CRPPA: variants seen among roughly 807,000 people sequenced by gnomAD.
CRPPA encodes D-ribitol-5-phosphate cytidylyltransferase.
Under a neutral mutation model 52.0 loss-of-function variants are expected in CRPPA, and 43 were observed. That is an observed-to-expected ratio of 0.83 (90% CI 0.65 to 1.07). The LOEUF (loss-of-function observed/expected upper bound fraction) is 1.07, where lower values mean the gene tolerates loss of function less well. Among genes scored for constraint, CRPPA ranks in the 50% least tolerant of loss-of-function variants. The probability of loss-of-function intolerance (pLI) is 0.00; values close to 1 mark genes in which losing one functional copy is unlikely to be tolerated. For synonymous variants in CRPPA, 250 were observed against 203.5 expected (o/e 1.23, Z -1.94); for missense variants, 629 against 551.7 (o/e 1.14, Z -1.40).
intron 9 of CRPPA, among the ~76,000 whole-genome samples, chr7:16,118,481 C>G (rs10487911): frequency 0.33 from 49,913 of 152,060 alleles, 9,608 homozygotes; most frequent in South Asian, 0.55. Flanking sequence ...TGAACAGTCA[C>G]TTAGCATCTC....
At chr7:16,239,150 A>AAAAAAAAAAAAAAAAAAAC (rs1783033954) in intron 8 of CRPPA, among the ~76,000 whole-genome samples, 1 of 151,008 alleles carries the variant, frequency 6.6e-6, no homozygotes, top group Non-Finnish European at 1.5e-5. Context: ...AAAAAAAAAA[A>AAAAAAAAAAAAAAAAAAAC]AAAAAAAGCC....
intron 6 of CRPPA, among the ~76,000 whole-genome samples, chr7:16,274,108 G>A (rs369675254): frequency 3.9e-5 from 6 of 152,238 alleles, no homozygotes; most frequent in African/African-American, 9.6e-5. Context: ...GGAGTGCAGC[G>A]GCGCGATCTC....
chr7:16,393,642 T>C (rs1454180778), intron 2 of CRPPA, among the ~76,000 whole-genome samples: 1 of 152,124 alleles, frequency 6.6e-6, no homozygotes, highest in Non-Finnish European at 1.5e-5. Flanking sequence ...GTGAATATCT[T>C]CATGACTTCA....
At chr7:16,171,594 G>A (rs12112650) in intron 9 of CRPPA, among the ~76,000 whole-genome samples, 53 of 152,124 alleles carry the variant, frequency 3.5e-4, no homozygotes, top group East Asian at 2.3e-3. Context: ...GTGAAACCCC[G>A]TCTCTACTAA....
intron 9 of CRPPA, among the ~76,000 whole-genome samples, chr7:16,129,133 C>T (rs1285057067): frequency 6.6e-6 from 1 of 152,138 alleles, no homozygotes; most frequent in Non-Finnish European, 1.5e-5. Context: ...CTTGCCACAT[C>T]ACACATCATG....
chr7:16,389,928 A>AAAAATATATAT, intron 2 of CRPPA, among the ~76,000 whole-genome samples: 3 of 29,760 alleles, frequency 1.0e-4, no homozygotes, highest in African/African-American at 3.5e-4. Flanking sequence ...AAAAAAAAAA[A>AAAAATATATAT]ATATATATAT....
intron 6 of CRPPA, among the ~76,000 whole-genome samples, chr7:16,275,183 A>G (rs923845691): frequency 3.9e-5 from 6 of 152,192 alleles, no homozygotes; most frequent in Admixed American, 1.3e-4. Flanking sequence ...AAGACAGAAA[A>G]CAACAAAATC....
At chr7:16,407,656 TCTTGTTATC>T (rs1318735589) in intron 1 of CRPPA, among the ~76,000 whole-genome samples, 14 of 152,284 alleles carry the variant, frequency 9.2e-5, no homozygotes, top group Admixed American at 6.5e-4. Flanking sequence ...GTCTCCTACC[TCTTGTTATC>T]GAACAGACCC....
Position 16,088,037 on chromosome 7 carries a change from CTG to C in CRPPA, c.*3656_*3657del, listed in dbSNP as rs1781732103. 6.6e-6 allele frequency: 1 copy of C among 151,964 alleles called. No homozygotes were observed. Among genetic ancestry groups the C allele is most frequent in the African/African-American group, 2.4e-5 (1 of 41,368 alleles). The allele number at this position is 151,964 out of a possible 1,614,324, so 9.4% of individuals were successfully genotyped here. On this transcript the variant is annotated 3_prime_UTR_variant, in exon 10 of 10. Coordinates refer to ENST00000407010, the MANE Select transcript of CRPPA (RefSeq NM_001101426.4). Reference sequence around the variant, plus strand: ...TACAATAATAACCATAACAATGACTCTGAGAGAATATAGGGAGCTGACTCTTA... The same window carrying C: ...TACAATAATAACCATAACAATGACTCAGAGAATATAGGGAGCTGACTCTTA...
chr7:16,286,044 AATATATATAT>A (rs1175134468), intron 5 of CRPPA, among the ~76,000 whole-genome samples: 1,494 of 12,516 alleles, frequency 0.12, 190 homozygotes, highest in Non-Finnish European at 0.14. Flanking sequence ...AAAAAATATA[AATATATATAT>A]ATATATATAT....
intron 3 of CRPPA, among the ~76,000 whole-genome samples, chr7:16,331,199 C>G (rs958528307): frequency 1.4e-4 from 22 of 152,012 alleles, no homozygotes; most frequent in Non-Finnish European, 2.8e-4. Context: ...AGGGGTTTCA[C>G]CGTGTTAGCC....
At chr7:16,119,358 T>G (rs1782438511) in intron 9 of CRPPA, among the ~76,000 whole-genome samples, 1 of 150,828 alleles carries the variant, frequency 6.6e-6, no homozygotes, top group Non-Finnish European at 1.5e-5. Context: ...TTTCAGTGTT[T>G]CCATTAAATC....
intron 2 of CRPPA, among the ~76,000 whole-genome samples, chr7:16,390,842 G>C (rs1787420248): frequency 6.6e-6 from 1 of 152,154 alleles, no homozygotes; most frequent in Non-Finnish European, 1.5e-5. Context: ...CTTAATTTAA[G>C]GTTACAGGTC....
chr7:16,216,208 TAA>T lies in CRPPA; in HGVS notation c.1120-13_1120-12del. On this transcript the variant is annotated splice_polypyrimidine_tract_variant and intron_variant, in intron 8 of 9. Transcript: ENST00000407010. ...ATCAAGAAAATGAACCTGCAAAATA[TAA>T]AAGACAGTATTTAGAATATCATTCC... 6.6e-7 allele frequency: 1 copy of T among 1,526,000 alleles called. No individual in the cohort carries two copies. The allele number at this position is 1,526,000 out of a possible 1,614,324, so 94.5% of individuals were successfully genotyped here. A position where few individuals can be genotyped will look rare whatever the true frequency, so the allele number is the denominator to read the frequency against.
intron 2 of CRPPA, among the ~76,000 whole-genome samples, chr7:16,393,431 T>G (rs964364750): frequency 3.3e-5 from 5 of 151,958 alleles, no homozygotes; most frequent in African/African-American, 7.2e-5. Flanking sequence ...AACAGACCCA[T>G]GCTCACATAG....
intron 9 of CRPPA, among the ~76,000 whole-genome samples, chr7:16,114,670 A>G (rs2128367977): frequency 6.6e-6 from 1 of 152,192 alleles, no homozygotes; most frequent in South Asian, 2.1e-4. Flanking sequence ...AAGGGAGAAG[A>G]AATATTTGGC....
At chr7:16,398,092 C>T (rs1213076149) in intron 2 of CRPPA, among the ~76,000 whole-genome samples, 1 of 151,772 alleles carries the variant, frequency 6.6e-6, no homozygotes, top group Non-Finnish European at 1.5e-5. Context: ...TGAACAATAA[C>T]ATTATTGACA....
intron 1 of CRPPA, among the ~76,000 whole-genome samples, chr7:16,409,970 G>A (rs1487259883): frequency 6.6e-6 from 1 of 152,084 alleles, no homozygotes; most frequent in African/African-American, 2.4e-5. Flanking sequence ...TCATCTACTG[G>A]GGGCAGTATA....
chr7:16,214,248 T>C (rs534462861), intron 9 of CRPPA, among the ~76,000 whole-genome samples: 1 of 152,334 alleles, frequency 6.6e-6, no homozygotes, highest in African/African-American at 2.4e-5. Context: ...CTAGGCATCA[T>C]ATATATAACC....
Sources: gnomAD v4.1 joint callset for allele counts (sites outside exome capture counted in the v4.1 genomes callset) on GRCh38, gnomAD v4.1.1 for gene constraint, MANE v1.5 for transcripts, NCBI Gene and HGNC (gene_info 2026-07-23, HGNC 2026-07-21) for gene names.